Variants in PLXNA4 observed in about 807,000 individuals in gnomAD.
PLXNA4 encodes plexin A4.
A neutral mutation model predicts 191.8 loss-of-function variants in PLXNA4; 44 were observed. The ratio of observed to expected loss-of-function variants is 0.23; its 90% CI spans 0.18 to 0.29. The LOEUF (loss-of-function observed/expected upper bound fraction) is 0.29, where lower values mean the gene tolerates loss of function less well. Ranked by LOEUF, PLXNA4 falls within the 10% of genes least tolerant of loss-of-function variation. PLXNA4 has a pLI of 1.00. For missense variants in PLXNA4, 1,800 were observed against 2,488.8 expected (o/e 0.72, Z 5.89); for synonymous variants, 1,082 against 1,009.5 (o/e 1.07, Z -1.36).
chr7:132,492,519 T>C (rs950371732), intron 2 of PLXNA4, among the ~76,000 whole-genome samples: 5 of 152,136 alleles, frequency 3.3e-5, no homozygotes, highest in Non-Finnish European at 5.9e-5. Flanking sequence ...GCTTGGCTTC[T>C]CTCTCTCTGA....
Position 132,545,639 on chromosome 7 carries a change from C to A in PLXNA4, c.-87+30783G>T, listed in dbSNP as rs115287753. 4.7e-3 allele frequency among the ~76,000 whole-genome samples: 715 copies of A among 152,136 alleles called. 8 individuals carry two copies. The highest frequency in any genetic ancestry group is 0.016 in the African/African-American group (679 of 41,496). ...TGTGCTCATTTTTTCTCTCCAAATG[C>A]CTTTATTCCAGAAGAAAGCAAAACA... On this transcript the variant is annotated intron_variant, in intron 1 of 31. Coordinates refer to ENST00000321063, the MANE Select transcript of PLXNA4 (RefSeq NM_020911.2).
At chr7:132,158,549 A>G (rs1177257840) in intron 25 of PLXNA4, among the ~76,000 whole-genome samples, 1 of 152,232 alleles carries the variant, frequency 6.6e-6, no homozygotes, top group Non-Finnish European at 1.5e-5. Context: ...AATGTGTACA[A>G]TGGATCACAC....
rs191471763 is a variant in PLXNA4, at chr7:132,204,578, A to G, written c.2299-1159T>C. On this transcript the variant is annotated intron_variant, in intron 10 of 31. Coordinates refer to ENST00000321063, the MANE Select transcript of PLXNA4 (RefSeq NM_020911.2). ...TTTTAATTCAAATTTAATTTGAATT[A>G]AAAATTTGGAGGGCTGGGCTAGGGG... Among the ~76,000 whole-genome samples the G allele has an allele frequency of 9.2e-5, 14 of 152,236 alleles. No individual in the cohort carries two copies. The East Asian group carries it at 2.5e-3, about 27-fold the overall frequency.
At chr7:132,465,885 A>T (rs1183878295) in intron 3 of PLXNA4, among the ~76,000 whole-genome samples, 1 of 152,214 alleles carries the variant, frequency 6.6e-6, no homozygotes, top group Non-Finnish European at 1.5e-5. Flanking sequence ...TTCAAAACGC[A>T]TTTTTAGAAA....
intron 1 of PLXNA4, among the ~76,000 whole-genome samples, chr7:132,562,211 CCTCCTTCTCTTCCTCTTTCTCCTA>C (rs1801200512): frequency 7.7e-6 from 1 of 130,284 alleles, no homozygotes; most frequent in Non-Finnish European, 1.6e-5. Flanking sequence ...TCCTTCTCCT[CCTCCTTCTCTTCCTCTTTCTCCTA>C]CTCCTCCTTC....
chr7:132,512,753 A>G lies in PLXNA4; in HGVS notation c.-86-3974T>C, dbSNP rs566985402. Among the ~76,000 whole-genome samples, 9 of 152,314 alleles carry G rather than the reference A, an allele frequency of 5.9e-5. No individual in the cohort carries two copies. The East Asian group carries it at 1.7e-3, about 29-fold the overall frequency. ...GTCTAAGGCTGCTCCAATCTGGCAA[A>G]GCAAGAGTTTCCAGGGGGGTTTCCC... On this transcript the variant is annotated intron_variant, in intron 1 of 31. Transcript: ENST00000321063.
intron 3 of PLXNA4, among the ~76,000 whole-genome samples, chr7:132,334,707 G>A (rs929118271): frequency 2.7e-4 from 41 of 152,076 alleles, no homozygotes; most frequent in Non-Finnish European, 4.1e-4. Context: ...GGGGAATGGC[G>A]GCCCCTAAAG....
In PLXNA4 at chr7:132,514,487, T is replaced by C. The variant is rs574001356; in HGVS notation, c.-86-5708A>G. Among the ~76,000 whole-genome samples the C allele has an allele frequency of 1.4e-3, 218 of 152,306 alleles. 2 individuals are homozygous for C. Among genetic ancestry groups the C allele is most frequent in the African/African-American group, 4.9e-3 (205 of 41,566 alleles). On this transcript the variant is annotated intron_variant, in intron 1 of 31. Coordinates refer to ENST00000321063, the MANE Select transcript of PLXNA4 (RefSeq NM_020911.2). ...TGGGCCACGGTGCCCAGATAGTTGG[T>C]CAAACATTATTCTGGAAGTTTCTGG... is the stretch of plus-strand genomic sequence containing the variant.
At chr7:132,232,489 C>T (rs1249862853) in intron 5 of PLXNA4, among the ~76,000 whole-genome samples, 1 of 152,138 alleles carries the variant, frequency 6.6e-6, no homozygotes, top group Non-Finnish European at 1.5e-5. Flanking sequence ...AGCTGGAGTC[C>T]CTCCCTGCTA....
At chr7:132,601,091 A>C (rs1802809792) in intron 2 of PLXNA4, among the ~76,000 whole-genome samples, 1 of 152,192 alleles carries the variant, frequency 6.6e-6, no homozygotes, top group African/African-American at 2.4e-5. Context: ...AATGAATTGT[A>C]AACACCTTGA....
At chr7:132,228,736 G>T (rs911409496) in intron 5 of PLXNA4, among the ~76,000 whole-genome samples, 2 of 152,178 alleles carry the variant, frequency 1.3e-5, no homozygotes, top group African/African-American at 4.8e-5. Context: ...CTCACATAAG[G>T]TGTTGCACAG....
intron 3 of PLXNA4, among the ~76,000 whole-genome samples, chr7:132,424,121 C>T (rs535440431): frequency 5.3e-5 from 8 of 152,288 alleles, no homozygotes; most frequent in South Asian, 2.1e-4. Context: ...CATGAGCCCA[C>T]GCCTCCTCCT....
Position 132,165,194 on chromosome 7 carries a change from C to T in PLXNA4, c.4293G>A (p.Glu1431=), listed in dbSNP as rs1412538771. Residue 1431 remains glutamate (E), a synonymous_variant, in exon 23 of 32, where the codon GAG becomes GAA. Transcript: ENST00000321063. ...NHPKLLLRRT[E]SVAEKMLTNW... is the part of the protein sequence containing the mutation. Reference sequence around the variant, plus strand: ...TGGTCAGCATCTTCTCAGCCACTGACTCAGTCCTGTCAGCAGTCACCGAGG... The same window carrying T: ...TGGTCAGCATCTTCTCAGCCACTGATTCAGTCCTGTCAGCAGTCACCGAGG... 3 of 1,613,106 alleles carry T rather than the reference C, an allele frequency of 1.9e-6. No individual in the cohort carries two copies. The highest frequency in any genetic ancestry group is 2.5e-6 in the Non-Finnish European group (3 of 1,179,406).
At chr7:132,378,604 T>A (rs1448404518) in intron 3 of PLXNA4, among the ~76,000 whole-genome samples, 1 of 152,200 alleles carries the variant, frequency 6.6e-6, no homozygotes, top group Non-Finnish European at 1.5e-5. Context: ...ATAGCAGGCA[T>A]GGCAGATGAT....
intron 3 of PLXNA4, among the ~76,000 whole-genome samples, chr7:132,470,417 C>A (rs1796890810): frequency 6.6e-6 from 1 of 152,128 alleles, no homozygotes. Context: ...CTATCTGGTC[C>A]CAAAATGCCA....
chr7:132,330,067 A>G (rs1044176917), intron 3 of PLXNA4, among the ~76,000 whole-genome samples: 1 of 152,126 alleles, frequency 6.6e-6, no homozygotes, highest in African/African-American at 2.4e-5. Flanking sequence ...CAAGGGGAGG[A>G]GCACAGGGCA....
At chr7:132,260,206 C>T (rs543399218) in intron 4 of PLXNA4, among the ~76,000 whole-genome samples, 12 of 152,108 alleles carry the variant, frequency 7.9e-5, no homozygotes, top group Non-Finnish European at 1.3e-4. Context: ...GACCTGCACT[C>T]GTATGTTTAT....
intron 1 of PLXNA4, among the ~76,000 whole-genome samples, chr7:132,509,487 T>G (rs1200098973): frequency 6.6e-6 from 1 of 152,194 alleles, no homozygotes; most frequent in Non-Finnish European, 1.5e-5. Flanking sequence ...CCGAAGTACA[T>G]CCTATTGTAG....
At chr7:132,384,262 T>G in intron 3 of PLXNA4, 3 of 985,480 alleles carry the variant, frequency 3.0e-6, no homozygotes, top group Non-Finnish European at 3.6e-6. Context: ...TACAGCACTT[T>G]CACTTGTTTT....
Sources: gnomAD v4.1 joint callset for allele counts (sites outside exome capture counted in the v4.1 genomes callset) on GRCh38, gnomAD v4.1.1 for gene constraint, MANE v1.5 for transcripts, NCBI Gene and HGNC (gene_info 2026-07-23, HGNC 2026-07-21) for gene names.